Variants in CNTNAP5 observed in about 807,000 individuals in gnomAD.
The protein encoded by CNTNAP5 is contactin associated protein family member 5, also known as contactin-associated protein-like 5.
A neutral mutation model predicts 150.2 loss-of-function variants in CNTNAP5; 72 were observed. That is an observed-to-expected ratio of 0.48 (90% CI 0.40 to 0.58). The LOEUF (loss-of-function observed/expected upper bound fraction) is 0.58. CNTNAP5 is among the 20% of genes least tolerant of loss of function. The probability of loss-of-function intolerance (pLI) is 0.00; values close to 1 mark genes in which losing one functional copy is unlikely to be tolerated. For synonymous variants in CNTNAP5, 672 were observed against 619.8 expected (o/e 1.08, Z -1.25); for missense variants, 1,636 against 1,626.2 (o/e 1.01, Z -0.10).
chr2:124,285,048 C>T (rs1296995409), intron 3 of CNTNAP5, among the ~76,000 whole-genome samples: 2 of 152,104 alleles, frequency 1.3e-5, no homozygotes, highest in Non-Finnish European at 2.9e-5. Flanking sequence ...CTTCTCAGTA[C>T]AGTTTGTGAA....
rs529861020 is a variant in CNTNAP5, at chr2:124,821,229, G to T, written c.3217+22909G>T. 6.6e-5 allele frequency among the ~76,000 whole-genome samples: 10 copies of T among 152,312 alleles called. 1 individual carries two copies. The highest frequency in any genetic ancestry group is 2.4e-4 in the African/African-American group (10 of 41,572). On this transcript the variant is annotated intron_variant, in intron 19 of 23. Transcript: ENST00000682447. ...CTCCACTTACCGATAAGAAAAGAGAGGGACAGAAAACTAAGGAGAAAAAGA... is the reference window on the plus strand; with the variant it reads ...CTCCACTTACCGATAAGAAAAGAGATGGACAGAAAACTAAGGAGAAAAAGA...
intron 1 of CNTNAP5, among the ~76,000 whole-genome samples, chr2:124,058,458 C>G (rs983937088): frequency 1.3e-5 from 2 of 152,108 alleles, no homozygotes; most frequent in East Asian, 3.9e-4. Flanking sequence ...TCAATCATCT[C>G]TCCCTTAGTA....
chr2:124,674,170 T>A (rs1336424289), intron 13 of CNTNAP5, among the ~76,000 whole-genome samples: 1 of 152,196 alleles, frequency 6.6e-6, no homozygotes, highest in African/African-American at 2.4e-5. Context: ...AATAATCTAC[T>A]TTTAGTCTTA....
intron 7 of CNTNAP5, among the ~76,000 whole-genome samples, chr2:124,477,035 TC>T (rs1189353418): frequency 6.6e-6 from 1 of 152,120 alleles, no homozygotes; most frequent in Non-Finnish European, 1.5e-5. Context: ...TTATTTCTTT[TC>T]CCCACCATTC....
chr2:124,505,572 A>G (rs1293798724), intron 8 of CNTNAP5, among the ~76,000 whole-genome samples: 2 of 152,174 alleles, frequency 1.3e-5, no homozygotes, highest in Non-Finnish European at 1.5e-5. Flanking sequence ...GGAAACACTG[A>G]TTCATTGCCA....
intron 2 of CNTNAP5, among the ~76,000 whole-genome samples, chr2:124,230,109 G>T (rs181913364): frequency 1.4e-3 from 207 of 152,176 alleles, no homozygotes; most frequent in Non-Finnish European, 2.7e-3. Flanking sequence ...TGGATAAAAA[G>T]ATTTAAAATC....
At chr2:124,555,163 T>G (rs1695721345) in intron 10 of CNTNAP5, among the ~76,000 whole-genome samples, 1 of 152,194 alleles carries the variant, frequency 6.6e-6, no homozygotes, top group Non-Finnish European at 1.5e-5. Flanking sequence ...ACACAGAAGT[T>G]TCTGTCCAGG....
chr2:124,081,132 A>T (rs1013617730), intron 1 of CNTNAP5, among the ~76,000 whole-genome samples: 4 of 152,146 alleles, frequency 2.6e-5, no homozygotes, highest in African/African-American at 9.7e-5. Flanking sequence ...TATATGCCTT[A>T]CTATAAGTAA....
chr2:124,690,707 A>C (rs1290358856), intron 13 of CNTNAP5, among the ~76,000 whole-genome samples: 1 of 151,990 alleles, frequency 6.6e-6, no homozygotes, highest in Non-Finnish European at 1.5e-5. Flanking sequence ...CTCTGCCTAG[A>C]ATACCCCCAT....
intron 19 of CNTNAP5, among the ~76,000 whole-genome samples, chr2:124,832,100 C>T (rs1183937143): frequency 6.6e-6 from 1 of 152,020 alleles, no homozygotes; most frequent in Non-Finnish European, 1.5e-5. Context: ...CATTCTAAAA[C>T]CTGCCACCTT....
chr2:124,906,349 G>A (rs1435581485), intron 22 of CNTNAP5, among the ~76,000 whole-genome samples: 1 of 152,102 alleles, frequency 6.6e-6, no homozygotes, highest in Admixed American at 6.6e-5. Flanking sequence ...TAGTGGTGAT[G>A]AAGAGGCTAG....
chr2:124,390,716 G>A (rs868842983), intron 3 of CNTNAP5, among the ~76,000 whole-genome samples: 1 of 152,042 alleles, frequency 6.6e-6, no homozygotes. Flanking sequence ...TACACTCAAG[G>A]AAAAATTATT....
intron 19 of CNTNAP5, among the ~76,000 whole-genome samples, chr2:124,838,409 C>T (rs1682874390): frequency 6.6e-6 from 1 of 152,092 alleles, no homozygotes; most frequent in Non-Finnish European, 1.5e-5. Context: ...GATGGGCACA[C>T]AGGCTTAAGA....
At chr2:124,847,979 T>A (rs1431080018) in intron 19 of CNTNAP5, among the ~76,000 whole-genome samples, 3 of 152,178 alleles carry the variant, frequency 2.0e-5, no homozygotes, top group Admixed American at 6.5e-5. Flanking sequence ...TGGAGTCATA[T>A]CATTGCATTT....
chr2:124,895,337 G>T (rs1482915979), intron 21 of CNTNAP5, among the ~76,000 whole-genome samples: 1 of 151,486 alleles, frequency 6.6e-6, no homozygotes, highest in Admixed American at 6.6e-5. Flanking sequence ...ACTTTGCTAA[G>T]AAGTAACACC....
At chr2:124,886,601 C>A (rs530776540) in intron 21 of CNTNAP5, among the ~76,000 whole-genome samples, 1 of 152,042 alleles carries the variant, frequency 6.6e-6, no homozygotes, top group South Asian at 2.1e-4. Context: ...TTTGCTGACC[C>A]AAATTGATAA....
At chr2:124,282,911 A>T (rs1251013125) in intron 3 of CNTNAP5, among the ~76,000 whole-genome samples, 1 of 152,162 alleles carries the variant, frequency 6.6e-6, no homozygotes, top group Non-Finnish European at 1.5e-5. Context: ...CAATCAGTGA[A>T]TAAACAGAAG....
intron 19 of CNTNAP5, among the ~76,000 whole-genome samples, chr2:124,808,425 T>TA (rs1425560062): frequency 2.0e-5 from 3 of 151,902 alleles, no homozygotes; most frequent in African/African-American, 7.3e-5. Flanking sequence ...CCGTCTCTAC[T>TA]AAAAATACAA....
At chr2:124,249,966 T>C (rs1687132717) in intron 3 of CNTNAP5, among the ~76,000 whole-genome samples, 1 of 70,522 alleles carries the variant, frequency 1.4e-5, no homozygotes, top group African/African-American at 7.6e-5. Context: ...TTCTTTTGTG[T>C]GTGTGTGTGT....
Sources: gnomAD v4.1 joint callset for allele counts (sites outside exome capture counted in the v4.1 genomes callset) on GRCh38, gnomAD v4.1.1 for gene constraint, MANE v1.5 for transcripts, NCBI Gene and HGNC (gene_info 2026-07-23, HGNC 2026-07-21) for gene names.